NFIX: variants seen among roughly 807,000 people sequenced by gnomAD.
NFIX encodes nuclear factor I X.
A neutral mutation model predicts 53.3 loss-of-function variants in NFIX; 2 were observed. The ratio of observed to expected loss-of-function variants is 0.04; its 90% CI spans 0.02 to 0.12. The LOEUF (loss-of-function observed/expected upper bound fraction) is 0.12. NFIX is among the 10% of genes least tolerant of loss of function. The probability of loss-of-function intolerance (pLI) is 1.00; values close to 1 mark genes in which losing one functional copy is unlikely to be tolerated. For missense variants in NFIX, 310 were observed against 674.5 expected, an observed-to-expected ratio of 0.46 and a Z score of 5.99; for synonymous variants, 244 against 289.0, an observed-to-expected ratio of 0.84 and a Z score of 1.58.
chr19:13,000,966 TGAG>T (rs1251548253), intron 1 of NFIX, among the ~76,000 whole-genome samples: 6 of 152,300 alleles, frequency 3.9e-5, no homozygotes, highest in Non-Finnish European at 8.8e-5. Context: ...TTAAATCTGC[TGAG>T]ATATTGTCTC....
intron 2 of NFIX, among the ~76,000 whole-genome samples, chr19:13,030,701 C>G (rs1308155175): frequency 6.6e-6 from 1 of 152,156 alleles, no homozygotes; most frequent in Non-Finnish European, 1.5e-5. Context: ...CCCTCTGATT[C>G]ATAAAATTTC....
Position 13,094,818 on chromosome 19 carries a change from G to A in NFIX, c.*169G>A, listed in dbSNP as rs943144402. 1.5e-6 allele frequency: 1 copy of A among 674,498 alleles called. No homozygotes were observed. The highest frequency in any genetic ancestry group is 2.5e-6 in the Non-Finnish European group (1 of 403,212). The allele number at this position is 674,498 out of a possible 1,614,324, so 41.8% of individuals were successfully genotyped here. A position where few individuals can be genotyped will look rare whatever the true frequency, so the allele number is the denominator to read the frequency against. On this transcript the variant is annotated 3_prime_UTR_variant, in exon 11 of 11. Coordinates refer to ENST00000592199, the MANE Select transcript of NFIX (RefSeq NM_001365902.3). This position sits in a 1 kb window ranked among gnomAD's most constrained non-coding sequence, Gnocchi z 4.3. ...TCTCTCCTCCAGCCCGGGGACCCCCGCGGGCCCCAGAAGCAGCCCAGTTCT... is the reference window on the plus strand; with the variant it reads ...TCTCTCCTCCAGCCCGGGGACCCCCACGGGCCCCAGAAGCAGCCCAGTTCT...
chr19:13,069,212 G>A (rs1423627640), intron 2 of NFIX, among the ~76,000 whole-genome samples: 1 of 152,206 alleles, frequency 6.6e-6, no homozygotes, highest in Non-Finnish European at 1.5e-5. Flanking sequence ...GAAGAGACTG[G>A]GAGGGTGGTT....
intron 5 of NFIX, 107 bp from the exon 6 acceptor site, chr19:13,075,428 C>A (rs1180613714): frequency 3.9e-6 from 5 of 1,275,012 alleles, no homozygotes; most frequent in African/African-American, 1.5e-5. Flanking sequence ...CGGCACCACT[C>A]CCCACCCAGA....
rs1360383225 is a variant in NFIX, at chr19:13,025,593, C to T, written c.559+41C>T. ...CCATTTTTCCCTCTCATTTTATTTTCCTTGCTGGCATTTGTTCTGTTTATT... is the reference window on the plus strand; with the variant it reads ...CCATTTTTCCCTCTCATTTTATTTTTCTTGCTGGCATTTGTTCTGTTTATT... On this transcript the variant is annotated intron_variant, in intron 2 of 10. Coordinates refer to ENST00000592199, the MANE Select transcript of NFIX (RefSeq NM_001365902.3). This position sits in a 1 kb window ranked among gnomAD's most constrained non-coding sequence, Gnocchi z 7.5. The T allele has an allele frequency of 1.3e-6, 2 of 1,583,236 alleles. No homozygotes were observed. The highest frequency in any genetic ancestry group is 1.3e-5 in the African/African-American group (1 of 74,484).
intron 1 of NFIX, among the ~76,000 whole-genome samples, chr19:13,023,678 GA>G (rs926695321): frequency 3.5e-5 from 5 of 143,734 alleles, no homozygotes; most frequent in East Asian, 2.1e-4. Flanking sequence ...GGAAGAAATT[GA>G]AAAAAAAATT....
chr19:13,038,804 C>A (rs891533605), intron 2 of NFIX, among the ~76,000 whole-genome samples: 1 of 152,102 alleles, frequency 6.6e-6, no homozygotes, highest in African/African-American at 2.4e-5. Context: ...GTGGTGGTGG[C>A]GCAGTGGTCT....
rs1489565377 is a variant in NFIX, at chr19:13,002,287, T to TTGGCTCC, written c.27+6424_27+6430dup. On this transcript the variant is annotated intron_variant, in intron 1 of 10. Transcript: ENST00000592199. This position sits in a 1 kb window ranked among gnomAD's most constrained non-coding sequence, Gnocchi z 6.1. Reference sequence around the variant, plus strand: ...TCTCTCTCCTCCTGCCAAACGCGTCTTGGCTCCGTCTGAATATCTCTCCTC... The same window carrying TTGGCTCC: ...TCTCTCTCCTCCTGCCAAACGCGTCTTGGCTCCTGGCTCCGTCTGAATATCTCTCCTC... 6.6e-6 allele frequency among the ~76,000 whole-genome samples: 1 copy of TTGGCTCC among 151,620 alleles called. No individual in the cohort carries two copies. The highest frequency in any genetic ancestry group is 1.5e-5 in the Non-Finnish European group (1 of 67,856).
Position 13,096,411 on chromosome 19 carries a change from T to C in NFIX, c.*1762T>C, listed in dbSNP as rs1300261240. 1.3e-5 allele frequency: 2 copies of C among 152,154 alleles called. No homozygotes were observed. The highest frequency in any genetic ancestry group is 3.2e-3 in the Middle Eastern group (1 of 316). 9.4% of individuals were successfully genotyped at this position (152,154 alleles called of 1,614,324 possible). A position where few individuals can be genotyped will look rare whatever the true frequency, so the allele number is the denominator to read the frequency against. ...GGAGGAGGTCAGCGACCTGGGGCCG[T>C]AGCGGCAGGCGAACGGTGCCTGCTA... On this transcript the variant is annotated 3_prime_UTR_variant, in exon 11 of 11. Coordinates refer to ENST00000592199, the MANE Select transcript of NFIX (RefSeq NM_001365902.3).
rs556466361 is a variant in NFIX, at chr19:13,009,956, C to T, written c.27+14092C>T. Among the ~76,000 whole-genome samples the T allele has an allele frequency of 2.3e-3, 353 of 152,310 alleles. 3 individuals are homozygous for T. Among genetic ancestry groups the T allele is most frequent in the African/African-American group, 8.1e-3 (335 of 41,570 alleles). On this transcript the variant is annotated intron_variant, in intron 1 of 10. Transcript: ENST00000592199. This position sits in a 1 kb window ranked among gnomAD's most constrained non-coding sequence, Gnocchi z 4.7. Reference sequence around the variant, plus strand: ...AACCAACAGCCTAACCCTGTCCACACAGGTGGAGTGGCCCACCTTGGGCCC... The same window carrying T: ...AACCAACAGCCTAACCCTGTCCACATAGGTGGAGTGGCCCACCTTGGGCCC...
chr19:13,056,215 G>A (rs2015683187), intron 2 of NFIX, among the ~76,000 whole-genome samples: 1 of 152,184 alleles, frequency 6.6e-6, no homozygotes, highest in Non-Finnish European at 1.5e-5. Flanking sequence ...CTTTGCACAT[G>A]ACTCAGGCCC....
In NFIX at chr19:13,043,190, T is replaced by G. The variant is rs184186560; in HGVS notation, c.559+17638T>G. 1.3e-5 allele frequency among the ~76,000 whole-genome samples: 2 copies of G among 152,358 alleles called. No individual in the cohort carries two copies. The highest frequency in any genetic ancestry group is 2.9e-5 in the Non-Finnish European group (2 of 68,026). The stretch of plus-strand genomic sequence containing the variant: ...TGTTACCCAGTGTAAAAGCTAATCA[T>G]GGACATCAGCCCACATTCTCACACC... On this transcript the variant is annotated intron_variant, in intron 2 of 10. Coordinates refer to ENST00000592199, the MANE Select transcript of NFIX (RefSeq NM_001365902.3). The surrounding 1 kb of genome is among the most constrained non-coding windows in gnomAD (Gnocchi z 4.0).
intron 2 of NFIX, among the ~76,000 whole-genome samples, chr19:13,063,084 G>T (rs1185318128): frequency 2.6e-5 from 4 of 152,194 alleles, no homozygotes; most frequent in African/African-American, 9.7e-5. Context: ...AAGAGAGCAG[G>T]GGGCAGAGAG....
At chr19:13,053,438 G>A (rs995383188) in intron 2 of NFIX, among the ~76,000 whole-genome samples, 1 of 152,186 alleles carries the variant, frequency 6.6e-6, no homozygotes, top group Admixed American at 6.5e-5. Flanking sequence ...AACTGCAGAG[G>A]GGGGAAGGGG....
At chr19:13,034,191 A>C (rs1787461770) in intron 2 of NFIX, among the ~76,000 whole-genome samples, 1 of 152,196 alleles carries the variant, frequency 6.6e-6, no homozygotes, top group Admixed American at 6.5e-5. Flanking sequence ...AGCCAGTTTC[A>C]TCATTGTGGT....
chr19:13,044,584 G>A (rs1393720029), intron 2 of NFIX, among the ~76,000 whole-genome samples: 1 of 152,122 alleles, frequency 6.6e-6, no homozygotes, highest in Non-Finnish European at 1.5e-5. Context: ...GGCACAGCAG[G>A]TATGTAACCC....
In NFIX at chr19:13,051,345, T is replaced by C. The variant is rs1158646186; in HGVS notation, c.560-21702T>C. Among the ~76,000 whole-genome samples, 1 of 152,058 alleles carries C rather than the reference T, an allele frequency of 6.6e-6. No homozygotes were observed. Among genetic ancestry groups the C allele is most frequent in the Non-Finnish European group, 1.5e-5 (1 of 67,982 alleles). On this transcript the variant is annotated intron_variant, in intron 2 of 10. Transcript: ENST00000592199. This position sits in a 1 kb window ranked among gnomAD's most constrained non-coding sequence, Gnocchi z 5.1. The stretch of plus-strand genomic sequence containing the variant: ...AAAGACTCAAGGAGGAAGAGGGGTG[T>C]GTCTGGCCACTACCCAGAGCTCACT...
chr19:13,097,363 GA>G lies in NFIX; in HGVS notation c.*2715del, dbSNP rs1365062516. 1 of 152,346 alleles carries G rather than the reference GA, an allele frequency of 6.6e-6. No individual in the cohort carries two copies. The highest frequency in any genetic ancestry group is 1.5e-5 in the Non-Finnish European group (1 of 67,984). 9.4% of individuals were successfully genotyped at this position (152,346 alleles called of 1,614,324 possible). A position where few individuals can be genotyped will look rare whatever the true frequency, so the allele number is the denominator to read the frequency against. On this transcript the variant is annotated 3_prime_UTR_variant, in exon 11 of 11. Coordinates refer to ENST00000592199, the MANE Select transcript of NFIX (RefSeq NM_001365902.3). ...CCAACACAAGATCAAAAAGGAAAAG[GA>G]CGAGAGAAAAATTATTTTTAAGATA...
At position 13,067,116 on chromosome 19, in the gene NFIX, G is replaced by A. The variant is rs759163183; in HGVS notation, c.560-5931G>A. Among the ~76,000 whole-genome samples, 45 of 152,222 alleles carry A rather than the reference G, an allele frequency of 3.0e-4. No individual in the cohort carries two copies. The highest frequency in any genetic ancestry group is 1.1e-3 in the Admixed American group (17 of 15,288). ...AGATTGGGTTTCCTGTGCCCTGGAC[G>A]CTCCAGAATCTCAGAGGAAGCGGGA... On this transcript the variant is annotated intron_variant, in intron 2 of 10. Transcript: ENST00000592199. The surrounding 1 kb of genome is among the most constrained non-coding windows in gnomAD (Gnocchi z 4.2).
Sources: allele counts gnomAD v4.1 joint callset (sites outside exome capture counted in the v4.1 genomes callset), GRCh38; gene constraint gnomAD v4.1.1; non-coding constraint Gnocchi (gnomAD v3.1); transcripts MANE v1.5; gene names NCBI Gene and HGNC (gene_info 2026-07-23, HGNC 2026-07-21).